The following DDI2 variants were observed in gnomAD, a reference collection of about 807,000 sequenced individuals.
DDI2 encodes the protein protein DDI1 homolog 2.
DDI2 carries 5 observed loss-of-function variants against 48.1 expected under a neutral mutation model. The observed-to-expected ratio is 0.10, with a 90% CI of 0.05 to 0.22. The LOEUF (loss-of-function observed/expected upper bound fraction) is 0.22, where lower values mean the gene tolerates loss of function less well. DDI2 is among the 10% of genes least tolerant of loss of function. DDI2 has a pLI of 1.00. For synonymous variants in DDI2, 205 were observed against 183.6 expected, an observed-to-expected ratio of 1.12 and a Z score of -0.94; for missense variants, 285 against 506.2, an observed-to-expected ratio of 0.56 and a Z score of 4.19.
rs754225902 is a variant in DDI2, at chr1:15,661,123, G to A, written c.*1333G>A. 1 of 1,613,814 alleles carries A rather than the reference G, an allele frequency of 6.2e-7. No homozygotes were observed. The highest frequency in any genetic ancestry group is 1.3e-5 in the African/African-American group (1 of 74,890). On this transcript the variant is annotated 3_prime_UTR_variant, in exon 10 of 10. Coordinates refer to ENST00000480945, the MANE Select transcript of DDI2 (RefSeq NM_032341.5). ...GTGTCCACAAGTCTCCTTTCATCAGGCCATATCTGTATCAGTGGAGACAGA... is the reference window on the plus strand; with the variant it reads ...GTGTCCACAAGTCTCCTTTCATCAGACCATATCTGTATCAGTGGAGACAGA...
At chr1:15,645,909 T>G (rs1483929072) in intron 6 of DDI2, among the ~76,000 whole-genome samples, 1 of 151,646 alleles carries the variant, frequency 6.6e-6, no homozygotes, top group East Asian at 1.9e-4. Context: ...AAGGCTTGTT[T>G]GGTAAATGAC....
intron 5 of DDI2, among the ~76,000 whole-genome samples, chr1:15,640,105 T>G (rs115811293): frequency 6.6e-6 from 1 of 151,782 alleles, no homozygotes. Context: ...TTAAAAAATA[T>G]CTGTTGTGGG....
At chr1:15,619,470 CTT>C in intron 1 of DDI2, among the ~76,000 whole-genome samples, 1 of 125,704 alleles carries the variant, frequency 8.0e-6, no homozygotes. Context: ...CTTTTCTTTT[CTT>C]TTTTTTTTTT....
intron 1 of DDI2, 96 bp downstream of exon 1, chr1:15,617,904 C>T: frequency 2.2e-6 from 3 of 1,380,104 alleles, no homozygotes; most frequent in Admixed American, 2.8e-5. Context: ...GAATTGGGGG[C>T]TGGGGGGAGC....
intron 3 of DDI2, among the ~76,000 whole-genome samples, chr1:15,632,857 C>T (rs1041435875): frequency 1.3e-5 from 2 of 151,034 alleles, no homozygotes; most frequent in African/African-American, 4.9e-5. Flanking sequence ...AAAGTTGTTA[C>T]CTCTGAGTAG....
At position 15,652,058 on chromosome 1, in the gene DDI2, C is replaced by CTTTTT. The variant is rs772990709; in HGVS notation, c.1183+183_1183+187dup. Among the ~76,000 whole-genome samples, 162 of 75,950 alleles carry CTTTTT rather than the reference C, an allele frequency of 2.1e-3. 11 individuals are homozygous for CTTTTT. Among genetic ancestry groups the CTTTTT allele is most frequent in the African/African-American group, 9.6e-3 (146 of 15,202 alleles). The allele number at this position is 75,950 out of a possible 152,430, so 49.8% of individuals were successfully genotyped here. On this transcript the variant is annotated intron_variant, in intron 8 of 9. Transcript: ENST00000480945. ...TTCTTAACCTCCTTCTTTGATCTTC[C>CTTTTT]TTTTTTTTTTTTTTTTTTTTTTTTG...
rs1226167563 is a variant in DDI2, at chr1:15,617,661, G to T, written c.-10G>T. 6.7e-7 allele frequency: 1 copy of T among 1,486,982 alleles called. No individual in the cohort carries two copies. The highest frequency in any genetic ancestry group is 1.3e-5 in the South Asian group (1 of 76,252). 92.1% of individuals were successfully genotyped at this position (1,486,982 alleles called of 1,614,324 possible). On this transcript the variant is annotated 5_prime_UTR_variant, in exon 1 of 10. Coordinates refer to ENST00000480945, the MANE Select transcript of DDI2 (RefSeq NM_032341.5). ...GGCCGAGCCGAGCCGAGCCGGGTCG[G>T]GCCCGGGCCATGCTGCTCACCGTGT...
intron 1 of DDI2, 49 bp downstream of exon 1, chr1:15,617,857 C>T: frequency 6.7e-7 from 1 of 1,486,852 alleles, no homozygotes; most frequent in Non-Finnish European, 9.0e-7. Flanking sequence ...GCCCTCCCCG[C>T]CTCGGGGCCT....
At chr1:15,631,741 A>G (rs1185711011) in intron 3 of DDI2, among the ~76,000 whole-genome samples, 1 of 151,818 alleles carries the variant, frequency 6.6e-6, no homozygotes, top group Non-Finnish European at 1.5e-5. Context: ...CTTATGGTTT[A>G]GTTTCCCGTA....
At chr1:15,634,807 T>C (rs1242425917) in intron 4 of DDI2, among the ~76,000 whole-genome samples, 3 of 152,062 alleles carry the variant, frequency 2.0e-5, no homozygotes, top group Non-Finnish European at 4.4e-5. Context: ...GCTAGGATTA[T>C]AGGGATGAGC....
In DDI2 at chr1:15,660,789, T is replaced by C. The variant is rs969232083; in HGVS notation, c.*999T>C. ...AAATTTTGAATGATTCCATTTCCAC[T>C]CAGGATTTACAGCCCCCAGAAACTA... On this transcript the variant is annotated 3_prime_UTR_variant, in exon 10 of 10. Transcript: ENST00000480945. The C allele has an allele frequency of 6.8e-6, 11 of 1,613,956 alleles. No individual in the cohort carries two copies. Among genetic ancestry groups the C allele is most frequent in the Non-Finnish European group, 9.3e-6 (11 of 1,180,038 alleles).
intron 4 of DDI2, 79 bp downstream of exon 4, chr1:15,633,644 G>GCATCTGC: frequency 6.3e-7 from 1 of 1,582,020 alleles, no homozygotes; most frequent in South Asian, 1.1e-5. Context: ...CATTGGTTGG[G>GCATCTGC]CATCTGCTTG....
rs978501452 is a variant in DDI2 at position 15,652,459 on chromosome 1, G to T, written c.1183+564G>T. Among the ~76,000 whole-genome samples the T allele has an allele frequency of 2.3e-4, 23 of 101,404 alleles. 6 individuals carry two copies. Among genetic ancestry groups the T allele is most frequent in the African/African-American group, 6.0e-4 (17 of 28,558 alleles). 66.5% of individuals were successfully genotyped at this position (101,404 alleles called of 152,430 possible). A position where few individuals can be genotyped will look rare whatever the true frequency, so the allele number is the denominator to read the frequency against. ...TTTGGGAGGCTCCGGAGGGGGGGGG[G>T]GGGGGGCGGATCACCTGAGGTCAGG... is the stretch of plus-strand genomic sequence containing the variant. On this transcript the variant is annotated intron_variant, in intron 8 of 9. Transcript: ENST00000480945.
At chr1:15,625,097 C>G (rs866900492) in intron 1 of DDI2, among the ~76,000 whole-genome samples, 4 of 152,136 alleles carry the variant, frequency 2.6e-5, no homozygotes, top group South Asian at 2.1e-4. Context: ...CACTTTTTTT[C>G]CAGTTTAAAT....
chr1:15,652,465 G>C (rs1570988538), intron 8 of DDI2, among the ~76,000 whole-genome samples: 1 of 57,474 alleles, frequency 1.7e-5, no homozygotes, highest in Admixed American at 2.0e-4. Context: ...GGGGGGGGGG[G>C]CGGATCACCT....
Position 15,638,220 on chromosome 1 carries a change from A to G in DDI2, c.633-87A>G, listed in dbSNP as rs1228545816. 7 of 1,588,440 alleles carry G rather than the reference A, an allele frequency of 4.4e-6. No homozygotes were observed. In the East Asian group the frequency reaches 1.1e-4, roughly 26 times the overall value. On this transcript the variant is annotated intron_variant, in intron 4 of 9. Coordinates refer to ENST00000480945, the MANE Select transcript of DDI2 (RefSeq NM_032341.5). ...GTGCTTGGGGCAAAAGATATGTACA[A>G]ATCTGTTTTTTAATATTGTGACTTT...
At position 15,636,074 on chromosome 1, in the gene DDI2, AC is replaced by A. The variant is rs141384259; in HGVS notation, c.633-2232del. Among the ~76,000 whole-genome samples, 135 of 152,310 alleles carry A rather than the reference AC, an allele frequency of 8.9e-4. 2 individuals carry two copies. In the East Asian group the frequency reaches 0.023, roughly 25 times the overall value. ...AAATGACTGATAAAGCTATCAGTTCACTTGAGCTAGATGATTATTATGAAAA... is the reference window on the plus strand; with the variant it reads ...AAATGACTGATAAAGCTATCAGTTCATTGAGCTAGATGATTATTATGAAAA... On this transcript the variant is annotated intron_variant, in intron 4 of 9. Transcript: ENST00000480945.
At chr1:15,643,688 G>T in intron 6 of DDI2, 38 bp downstream of exon 6, 2 of 1,608,522 alleles carry the variant, frequency 1.2e-6, no homozygotes, top group Non-Finnish European at 1.7e-6. Context: ...TCTTTCTGTA[G>T]GCTATTTGTA....
In DDI2 at chr1:15,661,350, C is replaced by G; in HGVS notation, c.*1560C>G. 2 of 1,614,030 alleles carry G rather than the reference C, an allele frequency of 1.2e-6. No homozygotes were observed. The highest frequency in any genetic ancestry group is 1.7e-6 in the Non-Finnish European group (2 of 1,179,978). On this transcript the variant is annotated 3_prime_UTR_variant, in exon 10 of 10. Coordinates refer to ENST00000480945, the MANE Select transcript of DDI2 (RefSeq NM_032341.5). ...GCACCTTAGGTGTAGAAATTTCACC[C>G]AAACTTTTAGCAGGTGAGGAGGATG...
Sources: gnomAD v4.1 joint callset for allele counts (sites outside exome capture counted in the v4.1 genomes callset) on GRCh38, gnomAD v4.1.1 for gene constraint, MANE v1.5 for transcripts, NCBI Gene and HGNC (gene_info 2026-07-23, HGNC 2026-07-21) for gene names.